The following EPHA7 variants were observed in gnomAD, a reference collection of about 807,000 sequenced individuals.
EPHA7 encodes ephrin type-A receptor 7.
A neutral mutation model predicts 112.6 loss-of-function variants in EPHA7; 25 were observed. That is an observed-to-expected ratio of 0.22 (90% CI 0.16 to 0.31). EPHA7 has a LOEUF of 0.31. Ranked by LOEUF, EPHA7 falls within the 10% of genes least tolerant of loss-of-function variation. The pLI is 1.00. For missense variants in EPHA7, 962 were observed against 1,212.6 expected (o/e 0.79, Z 3.07); for synonymous variants, 437 against 406.5 (o/e 1.07, Z -0.90).
At chr6:93,373,394 A>G (rs1326146691) in intron 3 of EPHA7, among the ~76,000 whole-genome samples, 1 of 152,064 alleles carries the variant, frequency 6.6e-6, no homozygotes, top group African/African-American at 2.4e-5. Context: ...CAAGAACAGA[A>G]GCCCTGACTT....
chr6:93,260,082 C>A (rs2127861371), intron 9 of EPHA7, among the ~76,000 whole-genome samples: 1 of 151,992 alleles, frequency 6.6e-6, no homozygotes, highest in South Asian at 2.1e-4. Flanking sequence ...TTCATCTTCA[C>A]CTTCAAGGGC....
At chr6:93,299,032 T>G (rs1355860107) in intron 5 of EPHA7, among the ~76,000 whole-genome samples, 1 of 151,868 alleles carries the variant, frequency 6.6e-6, no homozygotes, top group Non-Finnish European at 1.5e-5. Context: ...AACAAGCTTA[T>G]GAAAAAAAGC....
At chr6:93,265,428 C>T (rs1261900233) in intron 7 of EPHA7, among the ~76,000 whole-genome samples, 1 of 151,682 alleles carries the variant, frequency 6.6e-6, no homozygotes. Context: ...TTAAGGCAAA[C>T]CTGGCTGAAC....
chr6:93,331,503 C>T (rs904505214), intron 5 of EPHA7, among the ~76,000 whole-genome samples: 1 of 150,978 alleles, frequency 6.6e-6, no homozygotes, highest in African/African-American at 2.4e-5. Context: ...ATGAGTCTTA[C>T]TTTTTGATTT....
intron 3 of EPHA7, among the ~76,000 whole-genome samples, chr6:93,398,056 A>C (rs2127987061): frequency 6.6e-6 from 1 of 152,086 alleles, no homozygotes; most frequent in African/African-American, 2.4e-5. Flanking sequence ...CTTAAAAACT[A>C]AAGATCAGAA....
chr6:93,335,398 A>G (rs979941026), intron 5 of EPHA7, among the ~76,000 whole-genome samples: 2 of 152,154 alleles, frequency 1.3e-5, no homozygotes, highest in Admixed American at 1.3e-4. Context: ...AACCTGGCAC[A>G]GTAATTATAT....
rs534213886 is a variant in EPHA7, at chr6:93,404,816, T to C, written c.832+5685A>G. On this transcript the variant is annotated intron_variant, in intron 3 of 16. Transcript: ENST00000369303. ...AGTACTTAAAATAGGATTTGGTATC[T>C]ATTAACAACTAAAAACGAACAAAAT... Among the ~76,000 whole-genome samples the C allele has an allele frequency of 4.6e-5, 7 of 151,878 alleles. No homozygotes were observed. The South Asian group carries it at 1.5e-3, about 31-fold the overall frequency.
chr6:93,259,554 T>A, intron 9 of EPHA7, 75 bp from the exon 10 acceptor site: 1 of 1,558,740 alleles, frequency 6.4e-7, no homozygotes, highest in African/African-American at 1.4e-5. Context: ...AATTTCATTA[T>A]GCAGAGTGCT....
chr6:93,243,567 T>G (rs1769776046), intron 16 of EPHA7, 27 bp from the exon 17 acceptor site: 3 of 1,465,876 alleles, frequency 2.0e-6, no homozygotes, highest in Non-Finnish European at 2.9e-6. Flanking sequence ...CACTTTTTAT[T>G]AGGTACCTTA....
intron 1 of EPHA7, among the ~76,000 whole-genome samples, chr6:93,417,305 C>A (rs951726767): frequency 2.6e-5 from 4 of 152,112 alleles, no homozygotes; most frequent in Non-Finnish European, 5.9e-5. Flanking sequence ...TACTGCGGGC[C>A]GCCTCGGGGC....
At chr6:93,378,818 G>C (rs1051970379) in intron 3 of EPHA7, among the ~76,000 whole-genome samples, 1 of 152,070 alleles carries the variant, frequency 6.6e-6, no homozygotes, top group East Asian at 1.9e-4. Context: ...TCTGTTTCTA[G>C]TAAATTATGG....
intron 5 of EPHA7, among the ~76,000 whole-genome samples, chr6:93,329,868 A>C (rs1774506938): frequency 6.6e-6 from 1 of 151,266 alleles, no homozygotes; most frequent in African/African-American, 2.4e-5. Context: ...AAAAAAACAA[A>C]AACAACAAAG....
In EPHA7 at chr6:93,358,404, GC is replaced by G; in HGVS notation, c.839del (p.Gly280AlafsTer68). On this transcript the variant is annotated frameshift_variant, in exon 4 of 17. Coordinates refer to ENST00000369303, the MANE Select transcript of EPHA7 (RefSeq NM_004440.4). LOFTEE classifies it high-confidence loss of function. ...GAGAGGAAGACTTGTAGAACCCACG[GC>G]CACAGGCTGGGAATGCAAAAGAAAG... ...QQKGDTCEPCGRGFYKSSSQD... is the reference protein window; with the variant it reads ...QQKGDTCEPCXRGFYKSSSQD... 6.2e-7 allele frequency: 1 copy of G among 1,606,238 alleles called. No homozygotes were observed. Among genetic ancestry groups the G allele is most frequent in the Non-Finnish European group, 8.5e-7 (1 of 1,175,980 alleles).
At position 93,374,533 on chromosome 6, in the gene EPHA7, T is replaced by G. The variant is rs142519767; in HGVS notation, c.833-16122A>C. 1.1e-4 allele frequency among the ~76,000 whole-genome samples: 17 copies of G among 152,360 alleles called. No homozygotes were observed. In the East Asian group the frequency reaches 3.3e-3, roughly 29 times the overall value. On this transcript the variant is annotated intron_variant, in intron 3 of 16. Coordinates refer to ENST00000369303, the MANE Select transcript of EPHA7 (RefSeq NM_004440.4). ...TGCCTTACTAGCGAACCTTTGACACTGCCAAATATGTTGTGGTTTTATGTA... is the reference window on the plus strand; with the variant it reads ...TGCCTTACTAGCGAACCTTTGACACGGCCAAATATGTTGTGGTTTTATGTA...
At chr6:93,418,947 T>A (rs1779387161) in intron 1 of EPHA7, among the ~76,000 whole-genome samples, 1 of 152,116 alleles carries the variant, frequency 6.6e-6, no homozygotes, top group African/African-American at 2.4e-5. Context: ...CGCCGGCAGT[T>A]CCTCCAACCC....
Position 93,245,440 on chromosome 6 carries a change from G to A in EPHA7, c.2740C>T (p.Leu914Phe). The A allele has an allele frequency of 6.2e-7, 1 of 1,611,718 alleles. No individual in the cohort carries two copies. Among genetic ancestry groups the A allele is most frequent in the Non-Finnish European group, 8.5e-7 (1 of 1,179,390 alleles). The change falls in exon 16 of 17, where the codon CTT becomes TTT. Residue 914 changes from leucine to phenylalanine, a missense_variant. This residue lies in a region of EPHA7 where 746 missense variants were observed against 889.2 expected (regional missense o/e 0.84). Transcript: ENST00000369303. ...LGTCSRPISP[L>F]LDQNTPDFTT... is the part of the protein sequence containing the mutation. The stretch of plus-strand genomic sequence containing the variant: ...AAATCAGGAGTGTTTTGATCCAGAA[G>A]AGGGCTTATTGGCCTAGATAAAAAT...
At chr6:93,334,308 C>G (rs1774748428) in intron 5 of EPHA7, among the ~76,000 whole-genome samples, 1 of 151,886 alleles carries the variant, frequency 6.6e-6, no homozygotes, top group Non-Finnish European at 1.5e-5. Context: ...GGAAGATAAC[C>G]TAAGAAATAC....
chr6:93,415,096 T>C (rs1400535489), intron 1 of EPHA7, among the ~76,000 whole-genome samples: 10 of 151,994 alleles, frequency 6.6e-5, no homozygotes, highest in Non-Finnish European at 1.3e-4. Flanking sequence ...TGTAAACCAT[T>C]GAGCTGTTCA....
In EPHA7 at chr6:93,367,357, A is replaced by C. The variant is rs1303370052; in HGVS notation, c.833-8946T>G. 2.0e-5 allele frequency among the ~76,000 whole-genome samples: 3 copies of C among 152,272 alleles called. No individual in the cohort carries two copies. The East Asian group carries it at 5.8e-4, about 29-fold the overall frequency. On this transcript the variant is annotated intron_variant, in intron 3 of 16. Transcript: ENST00000369303. ...TAAAGTATCATAAATTTTGCACATC[A>C]GTTTTATTATACATTCTCATTATGA...
Sources: allele counts gnomAD v4.1 joint callset (sites outside exome capture counted in the v4.1 genomes callset), GRCh38; gene constraint gnomAD v4.1.1; regional missense constraint gnomAD v4.1.1; transcripts MANE v1.5; gene names NCBI Gene and HGNC (gene_info 2026-07-23, HGNC 2026-07-21).